Variants in PCDH11X observed in about 807,000 individuals in gnomAD.
PCDH11X encodes the protein protocadherin-11 X-linked.
PCDH11X carries 18 observed loss-of-function variants against 53.3 expected under a neutral mutation model. The observed-to-expected ratio is 0.34, with a 90% CI of 0.23 to 0.50. The LOEUF is 0.50. PCDH11X is among the 20% of genes least tolerant of loss of function. The pLI is 0.98. For synonymous variants in PCDH11X, 279 were observed against 393.3 expected (o/e 0.71, Z 3.44); for missense variants, 570 against 1,032.4 (o/e 0.55, Z 6.14).
At chrX:92,080,382 G>A (rs1243090376) in intron 6 of PCDH11X, among the ~76,000 whole-genome samples, 1 of 110,936 alleles carries the variant, frequency 9.0e-6, no homozygotes, top group African/African-American at 3.3e-5. Flanking sequence ...GTTGATAATT[G>A]TTGCTGTTGT....
At chrX:91,955,718 G>A (rs1028722065) in intron 6 of PCDH11X, among the ~76,000 whole-genome samples, 13 of 112,152 alleles carry the variant, frequency 1.2e-4, no homozygotes, top group African/African-American at 4.2e-4. Flanking sequence ...ATGTGGCAAC[G>A]AGAAGAATGT....
chrX:91,808,508 A>G (rs1171193150), intron 1 of PCDH11X, among the ~76,000 whole-genome samples: 1 of 109,263 alleles, frequency 9.2e-6, no homozygotes, highest in Non-Finnish European at 1.9e-5. Flanking sequence ...AAAAAAAAAA[A>G]AGAGAGGAAT....
At chrX:92,079,970 A>T (rs1161061444) in intron 6 of PCDH11X, among the ~76,000 whole-genome samples, 1 of 111,884 alleles carries the variant, frequency 8.9e-6, no homozygotes, top group African/African-American at 3.2e-5. Context: ...TTATAGTTGC[A>T]GATATAATTA....
At chrX:91,965,635 G>T (rs1161521471) in intron 6 of PCDH11X, among the ~76,000 whole-genome samples, 3 of 108,983 alleles carry the variant, frequency 2.8e-5, no homozygotes, top group Non-Finnish European at 3.8e-5. Context: ...CTTTGTCCCA[G>T]CTTAAGATGA....
Position 92,210,526 on chromosome X carries a change from A to G in PCDH11X, c.3114+9071A>G, listed in dbSNP as rs141679373. 0.022 allele frequency among the ~76,000 whole-genome samples: 2,455 copies of G among 110,650 alleles called. 94 individuals carry two copies. The East Asian group carries it at 0.24, about 11-fold the overall frequency. On this transcript the variant is annotated intron_variant, in intron 7 of 10. Coordinates refer to ENST00000682573, the MANE Select transcript of PCDH11X (RefSeq NM_032968.5). ...AGTGCTGGGATTACAGGCATGAGCA[A>G]CTGTGCCCGGCCCCCGAAAATGGGC...
At chrX:92,257,436 T>C (rs1384574123) in intron 7 of PCDH11X, among the ~76,000 whole-genome samples, 1 of 111,690 alleles carries the variant, frequency 9.0e-6, no homozygotes, top group African/African-American at 3.3e-5. Context: ...AGTCCCCCAG[T>C]GTCTTAATTC....
chrX:92,097,728 T>C (rs1278778460), intron 6 of PCDH11X, among the ~76,000 whole-genome samples: 1 of 110,688 alleles, frequency 9.0e-6, no homozygotes, highest in Non-Finnish European at 1.9e-5. Context: ...TGTATATTTA[T>C]ATTCAGTCCT....
chrX:92,227,944 GATA>G (rs1156783632), intron 7 of PCDH11X, among the ~76,000 whole-genome samples: 1 of 14,803 alleles, frequency 6.8e-5, no homozygotes, highest in Non-Finnish European at 3.1e-4. Flanking sequence ...ATTAAGTAGT[GATA>G]ATAAGACAAT....
At position 91,872,585 on chromosome X, in the gene PCDH11X, G is replaced by A. The variant is rs184672571; in HGVS notation, c.541-4196G>A. On this transcript the variant is annotated intron_variant, in intron 5 of 10. Transcript: ENST00000682573. ...CTCACATTATTTAGTATATGAAGGC[G>A]TACCTAGAGATATACACATAGAGAG... 3.3e-3 allele frequency among the ~76,000 whole-genome samples: 362 copies of A among 109,300 alleles called. 2 individuals carry two copies. The highest frequency in any genetic ancestry group is 3.3e-3 in the Non-Finnish European group (174 of 52,135). The allele number at this position is 109,300 out of a possible 115,157, so 94.9% of individuals were successfully genotyped here.
chrX:92,283,124 G>T (rs1341290844), intron 8 of PCDH11X, among the ~76,000 whole-genome samples: 1 of 110,987 alleles, frequency 9.0e-6, no homozygotes, highest in Non-Finnish European at 1.9e-5. Context: ...AACATTCCCA[G>T]ATCTCTACAT....
intron 9 of PCDH11X, among the ~76,000 whole-genome samples, chrX:92,431,470 G>A (rs1464311849): frequency 9.1e-6 from 1 of 110,368 alleles, no homozygotes; most frequent in African/African-American, 3.3e-5. Context: ...TTACTCACAC[G>A]TATAAGGAGG....
chrX:92,546,129 A>G (rs1235089791), intron 10 of PCDH11X, among the ~76,000 whole-genome samples: 3 of 110,036 alleles, frequency 2.7e-5, no homozygotes, highest in African/African-American at 9.8e-5. Flanking sequence ...AAAATATTTG[A>G]ATTTTATATT....
intron 7 of PCDH11X, among the ~76,000 whole-genome samples, chrX:92,254,611 T>C (rs751868733): frequency 1.8e-5 from 2 of 110,050 alleles, no homozygotes; most frequent in East Asian, 2.9e-4. Context: ...GCACTTCCTT[T>C]AGGAGCTCTT....
At chrX:92,490,680 C>T (rs1285061265) in intron 10 of PCDH11X, among the ~76,000 whole-genome samples, 2 of 105,229 alleles carry the variant, frequency 1.9e-5, no homozygotes, top group East Asian at 3.0e-4. Context: ...CACTATCATG[C>T]GTGCCCAGGA....
chrX:92,015,050 G>A (rs140692434), intron 6 of PCDH11X, among the ~76,000 whole-genome samples: 2,515 of 111,381 alleles, frequency 0.023, 49 homozygotes, highest in African/African-American at 0.072. Context: ...ATAAATAAAT[G>A]AAACATGTCA....
intron 8 of PCDH11X, among the ~76,000 whole-genome samples, chrX:92,374,231 C>T (rs1163083289): frequency 1.9e-5 from 2 of 107,081 alleles, no homozygotes; most frequent in Non-Finnish European, 3.9e-5. Context: ...TTATATTTTC[C>T]TGGCCATTTC....
chrX:92,089,492 G>C (rs186532993), intron 6 of PCDH11X, among the ~76,000 whole-genome samples: 37 of 111,646 alleles, frequency 3.3e-4, no homozygotes, highest in Non-Finnish European at 5.7e-4. Context: ...TAGGAGAATG[G>C]GGCCATAACT....
intron 10 of PCDH11X, among the ~76,000 whole-genome samples, chrX:92,613,545 TTGTGTGTGTGTGTG>T (rs201132708): frequency 7.6e-5 from 5 of 65,526 alleles, no homozygotes; most frequent in Admixed American, 1.9e-4. Context: ...GTTGTTGTTG[TTGTGTGTGTGTGTG>T]TGTGTGTGTG....
At chrX:92,203,810 G>A (rs976769269) in intron 7 of PCDH11X, among the ~76,000 whole-genome samples, 15 of 111,734 alleles carry the variant, frequency 1.3e-4, no homozygotes, top group Non-Finnish European at 2.8e-4. Context: ...TTCCTAAGTG[G>A]GGGTCACAAG....
Sources: gnomAD v4.1 joint callset for allele counts (sites outside exome capture counted in the v4.1 genomes callset) on GRCh38, gnomAD v4.1.1 for gene constraint, MANE v1.5 for transcripts, NCBI Gene and HGNC (gene_info 2026-07-23, HGNC 2026-07-21) for gene names.